Variants in RASSF6 observed in about 807,000 individuals in gnomAD.
RASSF6 encodes the protein ras association domain-containing protein 6.
RASSF6 carries 52 observed loss-of-function variants against 44.0 expected under a neutral mutation model. The ratio of observed to expected loss-of-function variants is 1.18; its 90% CI spans 0.95 to 1.49. RASSF6 has a LOEUF of 1.49. Among genes scored for constraint, RASSF6 ranks in the 40% most tolerant of loss-of-function variants. The pLI, the probability that RASSF6 is intolerant of heterozygous loss-of-function variation, is 0.00. For synonymous variants in RASSF6, 162 were observed against 124.6 expected (o/e 1.30, Z -2.00); for missense variants, 464 against 393.3 (o/e 1.18, Z -1.52).
chr4:73,585,171 C>T lies in RASSF6; in HGVS notation c.567+9G>A. The T allele has an allele frequency of 6.4e-7, 1 of 1,567,376 alleles. No individual in the cohort carries two copies. On this transcript the variant is annotated intron_variant, in intron 6 of 10. Transcript: ENST00000307439. ...TTATATTACATTAATGGAATTGTAACTCACTTACTTCATGGTTATAGAAGT... is the reference window on the plus strand; with the variant it reads ...TTATATTACATTAATGGAATTGTAATTCACTTACTTCATGGTTATAGAAGT...
intron 8 of RASSF6, among the ~76,000 whole-genome samples, chr4:73,580,919 T>G (rs1723588287): frequency 1.4e-5 from 2 of 146,258 alleles, no homozygotes; most frequent in African/African-American, 2.5e-5. Context: ...TGCCATTGCT[T>G]TTGGTGTTTT....
At chr4:73,579,060 A>AGCTTTT in intron 8 of RASSF6, among the ~76,000 whole-genome samples, 1 of 152,178 alleles carries the variant, frequency 6.6e-6, no homozygotes, top group African/African-American at 2.4e-5. Context: ...AACTGTTTAA[A>AGCTTTT]AAATGGGATC....
At chr4:73,610,299 G>T (rs1305652314) in intron 2 of RASSF6, among the ~76,000 whole-genome samples, 1 of 152,214 alleles carries the variant, frequency 6.6e-6, no homozygotes, top group East Asian at 1.9e-4. Flanking sequence ...CTGCCACCTT[G>T]GTTCAAGCAA....
At chr4:73,596,430 A>T (rs1279066199) in intron 3 of RASSF6, among the ~76,000 whole-genome samples, 1 of 152,224 alleles carries the variant, frequency 6.6e-6, no homozygotes, top group African/African-American at 2.4e-5. Context: ...GAAGTGAAAG[A>T]TATTTACAAA....
rs1324532689 is a variant in RASSF6 at position 73,582,104 on chromosome 4, G to C, written c.669+85C>G. On this transcript the variant is annotated intron_variant, in intron 7 of 10. Coordinates refer to ENST00000307439, the MANE Select transcript of RASSF6 (RefSeq NM_177532.5). ...TCCAATTTAGATTTACACCTTTATA[G>C]ATCTGTTTCAGAAGAGTGGATTTGT... The C allele has an allele frequency of 1.1e-5, 8 of 727,404 alleles. 1 individual carries two copies. The Admixed American group carries it at 1.7e-4, about 16-fold the overall frequency. The allele number at this position is 727,404 out of a possible 1,614,324, so 45.1% of individuals were successfully genotyped here. A position where few individuals can be genotyped will look rare whatever the true frequency, so the allele number is the denominator to read the frequency against.
chr4:73,602,540 T>A (rs2149388502), intron 2 of RASSF6, among the ~76,000 whole-genome samples: 1 of 152,240 alleles, frequency 6.6e-6, no homozygotes, highest in South Asian at 2.1e-4. Context: ...TGATTTAATA[T>A]ACACTGTTGC....
At chr4:73,615,860 C>T in intron 1 of RASSF6, 1 of 1,543,754 alleles carries the variant, frequency 6.5e-7, no homozygotes, top group Non-Finnish European at 8.8e-7. Flanking sequence ...GCTCTGCATT[C>T]CTGCCTAGAG....
At chr4:73,584,503 T>C (rs982881761) in intron 6 of RASSF6, among the ~76,000 whole-genome samples, 3 of 152,188 alleles carry the variant, frequency 2.0e-5, no homozygotes, top group Non-Finnish European at 4.4e-5. Context: ...AAAAGCAGAA[T>C]GTGAATTGTA....
chr4:73,585,457 T>C (rs1418933293), intron 5 of RASSF6, 93 bp from the exon 6 acceptor site: 1 of 803,890 alleles, frequency 1.2e-6, no homozygotes, highest in Non-Finnish European at 1.8e-6. Flanking sequence ...ATTTTAGGAA[T>C]ATTGCTATTT....
chr4:73,615,743 G>C (rs1469788186), intron 1 of RASSF6: 1 of 620,970 alleles, frequency 1.6e-6, no homozygotes, highest in East Asian at 2.9e-5. Flanking sequence ...GTATAGGAGA[G>C]GTAGAATTGG....
At chr4:73,576,943 G>T (rs1723276576) in intron 8 of RASSF6, among the ~76,000 whole-genome samples, 1 of 152,136 alleles carries the variant, frequency 6.6e-6, no homozygotes, top group Non-Finnish European at 1.5e-5. Context: ...ATGTCTCAAA[G>T]AACTCAGCCT....
chr4:73,616,529 A>C (rs1333712213), intron 1 of RASSF6, among the ~76,000 whole-genome samples: 2 of 152,206 alleles, frequency 1.3e-5, no homozygotes, highest in Non-Finnish European at 2.9e-5. Context: ...TACATCCAAC[A>C]TACAGAGAGG....
intron 4 of RASSF6, among the ~76,000 whole-genome samples, chr4:73,589,708 C>G (rs1302483755): frequency 1.3e-5 from 2 of 152,000 alleles, no homozygotes; most frequent in South Asian, 2.1e-4. Flanking sequence ...CCAGAGTTTT[C>G]AAGAGAAAAC....
At chr4:73,616,221 ATATC>A (rs4019340) in intron 1 of RASSF6, among the ~76,000 whole-genome samples, 28,934 of 148,884 alleles carry the variant, frequency 0.19, 2,902 homozygotes, top group East Asian at 0.32. Context: ...ACATATATCT[ATATC>A]TATCTATCTA....
chr4:73,617,374 AATTTGT>A (rs1726429354), intron 1 of RASSF6, among the ~76,000 whole-genome samples: 1 of 152,176 alleles, frequency 6.6e-6, no homozygotes, highest in African/African-American at 2.4e-5. Flanking sequence ...CAGAGAAGCA[AATTTGT>A]ATTAAGGCAC....
chr4:73,618,824 A>G (rs781375402), intron 1 of RASSF6, among the ~76,000 whole-genome samples: 21 of 152,214 alleles, frequency 1.4e-4, no homozygotes, highest in Non-Finnish European at 2.2e-4. Context: ...TAATAAAATA[A>G]CAAGATAAAA....
chr4:73,578,864 G>A (rs1043013070), intron 8 of RASSF6, among the ~76,000 whole-genome samples: 29 of 151,800 alleles, frequency 1.9e-4, no homozygotes, highest in Admixed American at 6.6e-4. Flanking sequence ...CGCCCACCTC[G>A]GCCTGCCAAA....
chr4:73,581,933 C>T, intron 7 of RASSF6, 65 bp from the exon 8 acceptor site: 1 of 1,229,748 alleles, frequency 8.1e-7, no homozygotes, highest in Non-Finnish European at 1.2e-6. Flanking sequence ...CTAACCTGAC[C>T]AGACCCAAAT....
chr4:73,605,834 T>C (rs1382358432), intron 2 of RASSF6, among the ~76,000 whole-genome samples: 1 of 152,240 alleles, frequency 6.6e-6, no homozygotes, highest in Non-Finnish European at 1.5e-5. Context: ...TGAGATGGTG[T>C]CTCACTGTGG....
Sources: gnomAD v4.1 joint callset for allele counts (sites outside exome capture counted in the v4.1 genomes callset) on GRCh38, gnomAD v4.1.1 for gene constraint, MANE v1.5 for transcripts, NCBI Gene and HGNC (gene_info 2026-07-23, HGNC 2026-07-21) for gene names.